The following SVIL variants were observed in gnomAD, a reference collection of about 807,000 sequenced individuals.
SVIL encodes archvillin.
Under a neutral mutation model 240.4 loss-of-function variants are expected in SVIL, and 101 were observed. The ratio of observed to expected loss-of-function variants is 0.42; its 90% CI spans 0.36 to 0.50. The LOEUF is 0.50. SVIL is among the 20% of genes least tolerant of loss of function. The pLI is 0.01. For missense variants in SVIL, 2,512 were observed against 2,818.7 expected (o/e 0.89, Z 2.46); for synonymous variants, 999 against 1,100.0 (o/e 0.91, Z 1.82).
At position 29,530,641 on chromosome 10, in the gene SVIL, T is replaced by G. The variant is rs1951291370; in HGVS notation, c.2072A>C (p.Lys691Thr). The G allele has an allele frequency of 1.3e-5, 21 of 1,614,170 alleles. No individual in the cohort carries two copies. The highest frequency in any genetic ancestry group is 1.8e-5 in the Non-Finnish European group (21 of 1,180,004). The change falls in exon 11 of 38, where the codon AAG (lysine) becomes ACG (threonine). Residue 691 changes from lysine to threonine, a missense_variant. Lys to Thr is a moderately conservative substitution (Grantham distance 78). This residue lies in a region of SVIL where 1,443 missense variants were observed against 1,486.6 expected (regional missense o/e 0.97). Transcript: ENST00000355867. ...CAACCTCTTGGCGGCGACGCTCAGC[T>G]TGGCTCGTTCATCCACCTTTTCTTC... ...DDEEKVDERA[K>T]LSVAAKRLLF...
chr10:29,492,141 C>T (rs1021757876), intron 21 of SVIL, among the ~76,000 whole-genome samples: 10 of 152,138 alleles, frequency 6.6e-5, no homozygotes, highest in African/African-American at 2.4e-4. Flanking sequence ...GAAACCACCT[C>T]ACTGCACCCC....
intron 1 of SVIL, among the ~76,000 whole-genome samples, chr10:29,620,738 C>T (rs191247874): frequency 1.1e-4 from 16 of 152,244 alleles, no homozygotes; most frequent in South Asian, 2.1e-4. Context: ...CCTGCCTCAG[C>T]CTCCTGAGTA....
At chr10:29,576,502 C>T (rs898044529) in intron 1 of SVIL, among the ~76,000 whole-genome samples, 13 of 151,990 alleles carry the variant, frequency 8.6e-5, no homozygotes, top group African/African-American at 2.2e-4. Context: ...GGCATTATGG[C>T]GACATGTTCT....
intron 2 of SVIL, among the ~76,000 whole-genome samples, chr10:29,661,044 G>A (rs1959144553): frequency 6.6e-6 from 1 of 152,086 alleles, no homozygotes; most frequent in African/African-American, 2.4e-5. Context: ...GCACATGCCT[G>A]TAGTCCCAGC....
At chr10:29,535,816 GAT>G (rs1372905233) in intron 7 of SVIL, among the ~76,000 whole-genome samples, 171 bp downstream of exon 7, 5 of 152,210 alleles carry the variant, frequency 3.3e-5, no homozygotes. Flanking sequence ...TATTAGCATG[GAT>G]TAGGGCATGT....
chr10:29,645,107 G>A (rs903054703), intron 3 of SVIL, among the ~76,000 whole-genome samples: 1 of 151,964 alleles, frequency 6.6e-6, no homozygotes, highest in African/African-American at 2.4e-5. Flanking sequence ...GTTTCTCATC[G>A]CACTGCCCTC....
At position 29,551,086 on chromosome 10, in the gene SVIL, C is replaced by T. The variant is rs753557335; in HGVS notation, c.338G>A (p.Arg113Lys). ...CCCATACTTCTCTGCCAGCTGTCGCCTTCTTTCTGCTTTGTACCTTGCAAT... is the reference window on the plus strand; with the variant it reads ...CCCATACTTCTCTGCCAGCTGTCGCTTTCTTTCTGCTTTGTACCTTGCAAT... ...ERIARYKAERRRQLAEKYGLT... is the reference protein window; with the variant it reads ...ERIARYKAERKRQLAEKYGLT... The change falls in exon 6 of 38, where the codon AGG (arginine) becomes AAG (lysine). Residue 113 changes from arginine to lysine, a missense_variant. Physicochemically the swap from Arg to Lys is conservative, Grantham distance 26 (BLOSUM62 2). Transcript: ENST00000355867. 43 of 1,614,078 alleles carry T rather than the reference C, an allele frequency of 2.7e-5. No homozygotes were observed. The highest frequency in any genetic ancestry group is 3.5e-5 in the Non-Finnish European group (41 of 1,180,048).
At chr10:29,540,947 G>A (rs1232128714) in intron 6 of SVIL, among the ~76,000 whole-genome samples, 1 of 152,226 alleles carries the variant, frequency 6.6e-6, no homozygotes, top group African/African-American at 2.4e-5. Flanking sequence ...GGTTGGCAAA[G>A]CGATGCTCAA....
At chr10:29,548,287 C>CT (rs961274873) in intron 6 of SVIL, among the ~76,000 whole-genome samples, 5 of 151,978 alleles carry the variant, frequency 3.3e-5, no homozygotes, top group African/African-American at 1.2e-4. Flanking sequence ...ACATATGAAT[C>CT]TTTTTTTTCA....
chr10:29,535,357 C>A (rs1335693756), intron 7 of SVIL, among the ~76,000 whole-genome samples: 2 of 152,186 alleles, frequency 1.3e-5, no homozygotes, highest in East Asian at 3.8e-4. Flanking sequence ...TGATCAGAGA[C>A]AATCTGAATG....
intron 12 of SVIL, among the ~76,000 whole-genome samples, chr10:29,529,266 G>A (rs147342907): frequency 4.5e-4 from 68 of 151,686 alleles, no homozygotes; most frequent in South Asian, 8.3e-4. Context: ...TTAGAGGGGC[G>A]TACTGGGATA....
intron 6 of SVIL, among the ~76,000 whole-genome samples, chr10:29,540,681 G>A (rs1952081052): frequency 6.6e-6 from 1 of 151,878 alleles, no homozygotes; most frequent in East Asian, 1.9e-4. Context: ...CAGTGTTCAT[G>A]GACTCTAAGG....
intron 1 of SVIL, among the ~76,000 whole-genome samples, chr10:29,622,249 CAAA>C (rs71020801): frequency 1.1e-3 from 55 of 51,620 alleles, no homozygotes; most frequent in African/African-American, 4.6e-3. Flanking sequence ...GACTCCGTCT[CAAA>C]AAAAAAAAAA....
intron 1 of SVIL, among the ~76,000 whole-genome samples, chr10:29,623,589 G>A (rs981530249): frequency 1.3e-5 from 2 of 152,164 alleles, no homozygotes; most frequent in Non-Finnish European, 2.9e-5. Flanking sequence ...GGAGGCTCAC[G>A]CCTGTAATCC....
At chr10:29,701,794 A>G (rs1589543015) in intron 1 of SVIL, among the ~76,000 whole-genome samples, 1 of 152,224 alleles carries the variant, frequency 6.6e-6, no homozygotes, top group Non-Finnish European at 1.5e-5. Context: ...TTTGTGGCTG[A>G]CATTCTAATG....
chr10:29,543,808 TAAAC>T (rs1952385549), intron 6 of SVIL, among the ~76,000 whole-genome samples: 1 of 152,170 alleles, frequency 6.6e-6, no homozygotes, highest in African/African-American at 2.4e-5. Context: ...CTTGTTCTCA[TAAAC>T]AAACAGACAA....
intron 5 of SVIL, among the ~76,000 whole-genome samples, chr10:29,553,364 A>G (rs962768439): frequency 6.6e-6 from 1 of 152,122 alleles, no homozygotes; most frequent in Non-Finnish European, 1.5e-5. Context: ...GGATCACCTG[A>G]GGTCAGGAGT....
At chr10:29,577,861 A>G (rs1306311291) in intron 1 of SVIL, among the ~76,000 whole-genome samples, 1 of 152,236 alleles carries the variant, frequency 6.6e-6, no homozygotes, top group Non-Finnish European at 1.5e-5. Flanking sequence ...AATTTAACCA[A>G]TTAGATGAAA....
Position 29,499,246 on chromosome 10 carries a change from T to C in SVIL, c.3534A>G (p.Arg1178=). ...SLIKKRVTES[R]ESQMTIEERK... ...TCTCCTCAATCGTCATTTGGCTCTCTCGACTTTCTGTGACCCGCTGTTCAT... is the reference window on the plus strand; with the variant it reads ...TCTCCTCAATCGTCATTTGGCTCTCCCGACTTTCTGTGACCCGCTGTTCAT... The change falls in exon 18 of 38, where the codon CGA becomes CGG. Residue 1178 remains arginine, a synonymous_variant. Coordinates refer to ENST00000355867, the MANE Select transcript of SVIL (RefSeq NM_021738.3). 2 of 1,614,212 alleles carry C rather than the reference T, an allele frequency of 1.2e-6. No homozygotes were observed. Among genetic ancestry groups the C allele is most frequent in the Non-Finnish European group, 1.7e-6 (2 of 1,180,038 alleles).
Sources: allele counts gnomAD v4.1 joint callset (sites outside exome capture counted in the v4.1 genomes callset), GRCh38; gene constraint gnomAD v4.1.1; regional missense constraint gnomAD v4.1.1; transcripts MANE v1.5; gene names NCBI Gene and HGNC (gene_info 2026-07-23, HGNC 2026-07-21).